The following PIKFYVE variants were observed in gnomAD, a reference collection of about 807,000 sequenced individuals.
PIKFYVE encodes the protein phosphoinositide kinase, FYVE-type zinc finger containing, also known as 1-phosphatidylinositol 3-phosphate 5-kinase.
Under a neutral mutation model 257.9 loss-of-function variants are expected in PIKFYVE, and 122 were observed. That is an observed-to-expected ratio of 0.47 (90% confidence interval 0.41 to 0.55). The LOEUF is 0.55. PIKFYVE is among the 20% of genes least tolerant of loss of function. The probability of loss-of-function intolerance (pLI) is 0.00; values close to 1 mark genes in which losing one functional copy is unlikely to be tolerated. For missense variants in PIKFYVE, 2,160 were observed against 2,536.6 expected, an observed-to-expected ratio of 0.85 and a Z score of 3.19; for synonymous variants, 892 against 868.9, an observed-to-expected ratio of 1.03 and a Z score of -0.47.
chr2:208,335,727 T>G, intron 25 of PIKFYVE, 66 bp from the exon 26 acceptor site: 3 of 1,230,710 alleles, frequency 2.4e-6, no homozygotes, highest in Non-Finnish European at 3.6e-6. Flanking sequence ...CTTTTTTTTC[T>G]ATTTATGTGA....
chr2:208,350,095 A>T lies in PIKFYVE; in HGVS notation c.5434+12A>T, dbSNP rs182134444. The T allele has an allele frequency of 1.2e-4, 198 of 1,612,378 alleles. No individual in the cohort carries two copies. The East Asian group carries it at 4.2e-3, about 34-fold the overall frequency. ...TCATGTGGAACTTCGTAAGTATGAG[A>T]TATTATATCATTGGTTTGGGGAGAG... is the stretch of plus-strand genomic sequence containing the variant. On this transcript the variant is annotated intron_variant, in intron 36 of 41. Coordinates refer to ENST00000264380, the MANE Select transcript of PIKFYVE (RefSeq NM_015040.4).
intron 36 of PIKFYVE, 131 bp downstream of exon 36, chr2:208,350,214 T>C (rs1699648456): frequency 3.1e-6 from 4 of 1,300,120 alleles, no homozygotes; most frequent in Non-Finnish European, 4.0e-6. Flanking sequence ...GTCTTTATGC[T>C]GACATGAGGT....
chr2:208,277,926 T>C (rs758996161), intron 5 of PIKFYVE, among the ~76,000 whole-genome samples: 1 of 152,210 alleles, frequency 6.6e-6, no homozygotes, highest in Non-Finnish European at 1.5e-5. Context: ...GTGTATTTAT[T>C]GTAGATGCTA....
intron 1 of PIKFYVE, chr2:208,269,511 C>T (rs895105203): frequency 1.1e-5 from 3 of 263,246 alleles, no homozygotes; most frequent in Non-Finnish European, 1.6e-5. Context: ...ACACATGAAG[C>T]CCCTCCAGGT....
intron 11 of PIKFYVE, among the ~76,000 whole-genome samples, chr2:208,304,523 C>G (rs1000848056): frequency 5.3e-5 from 8 of 152,200 alleles, no homozygotes; most frequent in Non-Finnish European, 8.8e-5. Flanking sequence ...TTACCATAGT[C>G]TATAGTTTGT....
At chr2:208,327,346 T>A (rs764403720) in intron 20 of PIKFYVE, among the ~76,000 whole-genome samples, 2 of 152,224 alleles carry the variant, frequency 1.3e-5, no homozygotes, top group Non-Finnish European at 2.9e-5. Context: ...CAACTTTTTA[T>A]AATCTATCCT....
rs777854246 is a variant in PIKFYVE, at chr2:208,336,005, G to A, written c.4366-41G>A. ...TAGCAGTTTCTTTTGGGGTATGTCTGTATAGTGTCTGTCTCCTGAAGTTGT... is the reference window on the plus strand; with the variant it reads ...TAGCAGTTTCTTTTGGGGTATGTCTATATAGTGTCTGTCTCCTGAAGTTGT... On this transcript the variant is annotated intron_variant, in intron 26 of 41. Transcript: ENST00000264380. 6.5e-5 allele frequency: 105 copies of A among 1,612,086 alleles called. 1 individual carries two copies. The South Asian group carries it at 7.9e-4, about 12-fold the overall frequency.
rs750959225 is a variant in PIKFYVE, at chr2:208,301,026, G to T, written c.1140G>T (p.Thr380=). ...AGGATCACCGCTACTGGTTGAGAAC[G>T]CATCCCAACTGCATTGTAGGAAAGG... ...EFQDHRYWLR[T]HPNCIVGKEL... Residue 380 remains threonine (T), a synonymous_variant, in exon 9 of 42, where the codon ACG becomes ACT. Transcript: ENST00000264380. 4 of 1,613,996 alleles carry T rather than the reference G, an allele frequency of 2.5e-6. No individual in the cohort carries two copies. Among genetic ancestry groups the T allele is most frequent in the Non-Finnish European group, 3.4e-6 (4 of 1,179,988 alleles).
At chr2:208,304,484 C>G (rs904227344) in intron 11 of PIKFYVE, among the ~76,000 whole-genome samples, 166 bp downstream of exon 11, 1 of 152,128 alleles carries the variant, frequency 6.6e-6, no homozygotes, top group Non-Finnish European at 1.5e-5. Flanking sequence ...TTTTCTTAAA[C>G]CAACTTGTTA....
chr2:208,276,408 T>G (rs190948409), intron 3 of PIKFYVE, among the ~76,000 whole-genome samples: 6 of 152,304 alleles, frequency 3.9e-5, no homozygotes, highest in Admixed American at 2.6e-4. Flanking sequence ...AAGGAGTCAT[T>G]AATGAATTTT....
At chr2:208,351,980 A>G (rs1347833510) in intron 38 of PIKFYVE, among the ~76,000 whole-genome samples, 4 of 152,144 alleles carry the variant, frequency 2.6e-5, no homozygotes, top group African/African-American at 9.6e-5. Flanking sequence ...GGTAAGATAT[A>G]TGCAGGACAC....
chr2:208,319,973 A>G (rs929030784), intron 16 of PIKFYVE, among the ~76,000 whole-genome samples: 1 of 151,982 alleles, frequency 6.6e-6, no homozygotes, highest in African/African-American at 2.4e-5. Flanking sequence ...CTCTTCTTAC[A>G]ACATCAGAAA....
intron 4 of PIKFYVE, among the ~76,000 whole-genome samples, chr2:208,277,194 C>G (rs1309114797): frequency 3.3e-5 from 5 of 152,100 alleles, no homozygotes; most frequent in Admixed American, 3.3e-4. Context: ...AAAAGACCAT[C>G]TTTCACTGAT....
intron 7 of PIKFYVE, among the ~76,000 whole-genome samples, chr2:208,292,477 G>A (rs941055381): frequency 6.6e-6 from 1 of 152,036 alleles, no homozygotes; most frequent in African/African-American, 2.4e-5. Flanking sequence ...GTACTCTGTT[G>A]TTAGGAGCGA....
At chr2:208,346,450 T>A (rs922126286) in intron 34 of PIKFYVE, among the ~76,000 whole-genome samples, 1 of 152,200 alleles carries the variant, frequency 6.6e-6, no homozygotes, top group African/African-American at 2.4e-5. Context: ...CAACCTAAGA[T>A]GCAAGATACG....
intron 28 of PIKFYVE, among the ~76,000 whole-genome samples, chr2:208,337,234 G>A (rs1291088378): frequency 2.0e-5 from 3 of 152,142 alleles, no homozygotes; most frequent in Non-Finnish European, 4.4e-5. Context: ...GATGCTCTGA[G>A]TATAATAGGG....
In PIKFYVE at chr2:208,266,284, T is replaced by A. The variant is rs1254766840; in HGVS notation, c.-141T>A. 1 of 151,474 alleles carries A rather than the reference T, an allele frequency of 6.6e-6. No homozygotes were observed. The highest frequency in any genetic ancestry group is 6.6e-5 in the Admixed American group (1 of 15,214). The allele number at this position is 151,474 out of a possible 1,614,324, so 9.4% of individuals were successfully genotyped here. A position where few individuals can be genotyped will look rare whatever the true frequency, so the allele number is the denominator to read the frequency against. On this transcript the variant is annotated 5_prime_UTR_variant, in exon 1 of 42. Transcript: ENST00000264380. ...AGCCGCATCAACCATGTAAGCAGCT[T>A]CGCTTCCTGCCGCAACCGTCCGCGG...
In PIKFYVE at chr2:208,333,383, G is replaced by A. The variant is rs1697777128; in HGVS notation, c.4032G>A (p.Arg1344=). ...CATTTGCAAAATACCTTGAACTTAG[G>A]TTTTATGGGCACCAGTATACTCGCA... ...SMSFAKYLEL[R]FYGHQYTRRA... is the part of the protein sequence containing the mutation. The change falls in exon 24 of 42, where the codon AGG becomes AGA. Residue 1344 remains arginine (R), a synonymous_variant. Transcript: ENST00000264380. The A allele has an allele frequency of 6.2e-7, 1 of 1,613,890 alleles. No homozygotes were observed. Among genetic ancestry groups the A allele is most frequent in the Non-Finnish European group, 8.5e-7 (1 of 1,179,996 alleles).
At chr2:208,339,710 A>C (rs1698525818) in intron 30 of PIKFYVE, among the ~76,000 whole-genome samples, 155 bp downstream of exon 30, 1 of 152,226 alleles carries the variant, frequency 6.6e-6, no homozygotes, top group Non-Finnish European at 1.5e-5. Context: ...GTAACTACTT[A>C]AATTATAGTA....
Sources: gnomAD v4.1 joint callset for allele counts (sites outside exome capture counted in the v4.1 genomes callset) on GRCh38, gnomAD v4.1.1 for gene constraint, MANE v1.5 for transcripts, NCBI Gene and HGNC (gene_info 2026-07-23, HGNC 2026-07-21) for gene names.